Variants in TAFA5 observed in about 807,000 individuals in gnomAD.
TAFA5 encodes the protein chemokine-like protein TAFA-5.
Under a neutral mutation model 15.3 loss-of-function variants are expected in TAFA5, and 6 were observed. That is an observed-to-expected ratio of 0.39 (90% CI 0.21 to 0.77). The LOEUF is 0.77. Among genes scored for constraint, TAFA5 ranks in the 30% least tolerant of loss-of-function variants. TAFA5 has a pLI of 0.41. For synonymous variants in TAFA5, 103 were observed against 80.7 expected (o/e 1.28, Z -1.48); for missense variants, 161 against 193.1 (o/e 0.83, Z 0.98).
chr22:48,570,074 C>G (rs1032518998), intron 1 of TAFA5, among the ~76,000 whole-genome samples: 2 of 152,244 alleles, frequency 1.3e-5, no homozygotes, highest in Admixed American at 6.5e-5. Flanking sequence ...GCTCCCCACA[C>G]TCCCCTGGCA....
chr22:48,555,808 C>T (rs1045796068), intron 1 of TAFA5, among the ~76,000 whole-genome samples: 5 of 152,100 alleles, frequency 3.3e-5, no homozygotes, highest in Admixed American at 2.0e-4. Context: ...GGGATGGGGG[C>T]GCTGTGGCCG....
chr22:48,503,623 ACTATG>A (rs1222148595), intron 1 of TAFA5, among the ~76,000 whole-genome samples: 2 of 152,236 alleles, frequency 1.3e-5, no homozygotes, highest in Non-Finnish European at 2.9e-5. Context: ...CTTCAAAAAG[ACTATG>A]CTTTAATCAA....
At chr22:48,542,111 G>GTGTGA (rs1569018708) in intron 1 of TAFA5, among the ~76,000 whole-genome samples, 1 of 41,696 alleles carries the variant, frequency 2.4e-5, no homozygotes, top group Non-Finnish European at 1.1e-4. Context: ...TGTGTGGTGT[G>GTGTGA]TGTGTGTGTG....
chr22:48,573,760 T>A (rs1351946583), intron 1 of TAFA5, among the ~76,000 whole-genome samples: 1 of 152,228 alleles, frequency 6.6e-6, no homozygotes, highest in Non-Finnish European at 1.5e-5. Flanking sequence ...TCTTTAATTC[T>A]CTTTACAGAA....
At chr22:48,507,080 A>G (rs1223667732) in intron 1 of TAFA5, among the ~76,000 whole-genome samples, 1 of 152,094 alleles carries the variant, frequency 6.6e-6, no homozygotes, top group Non-Finnish European at 1.5e-5. Flanking sequence ...GATGGTCATC[A>G]AGGGCCAGGT....
intron 1 of TAFA5, among the ~76,000 whole-genome samples, chr22:48,638,809 G>C (rs866729546): frequency 1.3e-4 from 17 of 127,486 alleles, no homozygotes; most frequent in African/African-American, 4.2e-4. Flanking sequence ...CGCACACAGG[G>C]GGGACCCCGA....
chr22:48,632,291 C>T (rs1002439779), intron 1 of TAFA5, among the ~76,000 whole-genome samples: 3 of 152,282 alleles, frequency 2.0e-5, no homozygotes, highest in East Asian at 1.9e-4. Flanking sequence ...CAGAGATGGA[C>T]GGGTGTTAAT....
At chr22:48,635,761 T>G (rs1926422499) in intron 1 of TAFA5, among the ~76,000 whole-genome samples, 1 of 152,180 alleles carries the variant, frequency 6.6e-6, no homozygotes, top group African/African-American at 2.4e-5. Flanking sequence ...CGTTTTTGAT[T>G]CAGTGTCCCT....
At chr22:48,543,292 A>G (rs1922529327) in intron 1 of TAFA5, 1 of 152,168 alleles carries the variant, frequency 6.6e-6, no homozygotes, top group Non-Finnish European at 1.5e-5. Flanking sequence ...TTTTTGCAAT[A>G]ACATTTGTGG....
chr22:48,648,152 C>A (rs550892629), intron 2 of TAFA5, among the ~76,000 whole-genome samples: 2 of 152,136 alleles, frequency 1.3e-5, no homozygotes, highest in African/African-American at 2.4e-5. Context: ...TCAGGCCTGG[C>A]GCAGTGCTCA....
chr22:48,569,053 C>T (rs1783272455), intron 1 of TAFA5, among the ~76,000 whole-genome samples: 1 of 152,216 alleles, frequency 6.6e-6, no homozygotes. Flanking sequence ...TGTGAGCAGA[C>T]TGGTTCAGGC....
chr22:48,618,139 A>G (rs1429918924), intron 1 of TAFA5, among the ~76,000 whole-genome samples: 1 of 152,124 alleles, frequency 6.6e-6, no homozygotes, highest in African/African-American at 2.4e-5. Flanking sequence ...CTCTTTCAGG[A>G]TTGTGGGTGC....
At chr22:48,536,307 CA>C (rs1283873042) in intron 1 of TAFA5, among the ~76,000 whole-genome samples, 1 of 152,226 alleles carries the variant, frequency 6.6e-6, no homozygotes, top group Non-Finnish European at 1.5e-5. Flanking sequence ...AATTGTCTAT[CA>C]GAGGGCTTTC....
At chr22:48,614,495 A>C (rs1925526350) in intron 1 of TAFA5, among the ~76,000 whole-genome samples, 1 of 152,168 alleles carries the variant, frequency 6.6e-6, no homozygotes, top group South Asian at 2.1e-4. Flanking sequence ...CCCGCCTTGT[A>C]CCAACCCCTA....
intron 1 of TAFA5, among the ~76,000 whole-genome samples, chr22:48,503,930 C>T (rs1601837533): frequency 6.6e-6 from 1 of 152,262 alleles, no homozygotes; most frequent in South Asian, 2.1e-4. Context: ...GGGTGCCGAG[C>T]CAGCTCAGGA....
At chr22:48,660,029 G>A (rs576431070) in intron 2 of TAFA5, among the ~76,000 whole-genome samples, 1 of 152,282 alleles carries the variant, frequency 6.6e-6, no homozygotes, top group East Asian at 1.9e-4. Context: ...GGGCGGGGAC[G>A]GCTCTGGGCC....
chr22:48,571,892 C>T (rs766665976), intron 1 of TAFA5, among the ~76,000 whole-genome samples: 1 of 152,056 alleles, frequency 6.6e-6, no homozygotes, highest in Non-Finnish European at 1.5e-5. Context: ...TTACTTTCCA[C>T]AGCCCAGTCT....
intron 1 of TAFA5, among the ~76,000 whole-genome samples, chr22:48,567,724 G>A (rs1433616118): frequency 2.6e-5 from 4 of 152,176 alleles, no homozygotes; most frequent in Non-Finnish European, 5.9e-5. Flanking sequence ...GGAACTAAGA[G>A]CAGCTCTTAG....
intron 1 of TAFA5, among the ~76,000 whole-genome samples, chr22:48,524,233 C>G (rs1475514587): frequency 6.6e-6 from 1 of 152,234 alleles, no homozygotes; most frequent in Non-Finnish European, 1.5e-5. Context: ...GATTCTGTCT[C>G]AAAAGCCTGC....
Sources: allele counts gnomAD v4.1 joint callset (sites outside exome capture counted in the v4.1 genomes callset), GRCh38; gene constraint gnomAD v4.1.1; transcripts MANE v1.5; gene names NCBI Gene and HGNC (gene_info 2026-07-23, HGNC 2026-07-21).